The following AQP10 variants were observed in gnomAD, a reference collection of about 807,000 sequenced individuals.
AQP10 encodes aquaporin-10.
AQP10 carries 15 observed loss-of-function variants against 21.0 expected under a neutral mutation model. That is an observed-to-expected ratio of 0.71 (90% CI 0.48 to 1.10). AQP10 has a LOEUF of 1.10. Ranked by LOEUF, AQP10 falls within the 50% of genes least tolerant of loss-of-function variation. AQP10 has a pLI of 0.00. For synonymous variants in AQP10, 143 were observed against 155.7 expected, an observed-to-expected ratio of 0.92 and a Z score of 0.61; for missense variants, 268 against 379.5, an observed-to-expected ratio of 0.71 and a Z score of 2.44.
intron 1 of AQP10, 125 bp downstream of exon 1, chr1:154,321,385 T>C: frequency 3.2e-6 from 2 of 627,880 alleles, no homozygotes; most frequent in Non-Finnish European, 5.3e-6. Context: ...TTTTCGTTTT[T>C]ATCCTCTCGT....
At chr1:154,321,330 T>C (rs1411654813) in intron 1 of AQP10, 70 bp downstream of exon 1, 7 of 1,274,778 alleles carry the variant, frequency 5.5e-6, no homozygotes, top group African/African-American at 4.5e-5. Flanking sequence ...CTGTTGTCCT[T>C]ATCTCTTTCT....
In AQP10 at chr1:154,324,321, T is replaced by G; in HGVS notation, c.747T>G (p.Pro249=). The G allele has an allele frequency of 6.3e-7, 1 of 1,581,644 alleles. No individual in the cohort carries two copies. Among genetic ancestry groups the G allele is most frequent in the South Asian group, 1.2e-5 (1 of 86,430 alleles). The change falls in exon 6 of 6, where the codon CCT becomes CCG. Residue 249 remains proline (P), a synonymous_variant. Transcript: ENST00000324978. ...NGWWWVPVVA[P]LVGATVGTAT... ...GGTGGTGGGTGCCTGTGGTGGCCCC[T>G]CTGGTGGGGGCCACCGTTGGCACAG...
Position 154,324,566 on chromosome 1 carries a change from A to G in AQP10, c.*86A>G. ...CAACAGTCATTCTTCCTCTTTGTTA[A>G]TGTGCCAGAACCTGGGAGGCTTCTC... On this transcript the variant is annotated 3_prime_UTR_variant, in exon 6 of 6. Transcript: ENST00000324978. 7.2e-7 allele frequency: 1 copy of G among 1,395,310 alleles called. No individual in the cohort carries two copies. The highest frequency in any genetic ancestry group is 9.8e-7 in the Non-Finnish European group (1 of 1,018,396). The allele number at this position is 1,395,310 out of a possible 1,614,324, so 86.4% of individuals were successfully genotyped here.
At chr1:154,324,180 G>A (rs1685710388) in intron 5 of AQP10, 102 bp from the exon 6 acceptor site, 3 of 1,242,300 alleles carry the variant, frequency 2.4e-6, no homozygotes, top group Non-Finnish European at 2.2e-6. Flanking sequence ...TACCACCCTG[G>A]GAACAACTTT....
chr1:154,322,069 G>A lies in AQP10; in HGVS notation c.232+10G>A, dbSNP rs1558263725. 1.2e-6 allele frequency: 2 copies of A among 1,613,016 alleles called. No individual in the cohort carries two copies. The highest frequency in any genetic ancestry group is 1.3e-5 in the African/African-American group (1 of 75,042). Reference sequence around the variant, plus strand: ...GGTGGTAACGTCTCAGGTGAGGAGGGTGGGGTCTGGTCATCAGAGCACGTG... The same window carrying A: ...GGTGGTAACGTCTCAGGTGAGGAGGATGGGGTCTGGTCATCAGAGCACGTG... On this transcript the variant is annotated intron_variant, in intron 2 of 5. Transcript: ENST00000324978.
chr1:154,322,181 C>A lies in AQP10; in HGVS notation c.232+122C>A, dbSNP rs1685660298. The A allele has an allele frequency of 3.5e-6, 5 of 1,430,602 alleles. No individual in the cohort carries two copies. The Admixed American group carries it at 1.1e-4, about 32-fold the overall frequency. The allele number at this position is 1,430,602 out of a possible 1,614,324, so 88.6% of individuals were successfully genotyped here. A position where few individuals can be genotyped will look rare whatever the true frequency, so the allele number is the denominator to read the frequency against. On this transcript the variant is annotated intron_variant, in intron 2 of 5. Transcript: ENST00000324978. ...TGGACATTATCCCCTTGAACAGTGT[C>A]CCAGACTGAAATAAGCCTTTGGCCC... is the stretch of plus-strand genomic sequence containing the variant.
chr1:154,324,435 G>A lies in AQP10; in HGVS notation c.861G>A (p.Glu287=). The A allele has an allele frequency of 6.2e-7, 1 of 1,613,742 alleles. No individual in the cohort carries two copies. The highest frequency in any genetic ancestry group is 8.5e-7 in the Non-Finnish European group (1 of 1,179,986). ...TGTCTGCTCAACACAAAGCCTCAGA[G>A]TTGGAAACTCCTGCCTCAGCTCAGA... is the stretch of plus-strand genomic sequence containing the variant. The part of the protein sequence containing the change: ...DLVSAQHKAS[E]LETPASAQML... Residue 287 remains glutamate, a synonymous_variant, in exon 6 of 6, where the codon GAG becomes GAA. Coordinates refer to ENST00000324978, the MANE Select transcript of AQP10 (RefSeq NM_080429.3).
At position 154,323,727 on chromosome 1, in the gene AQP10, G is replaced by C; in HGVS notation, c.628G>C (p.Gly210Arg). The C allele has an allele frequency of 6.2e-7, 1 of 1,614,116 alleles. No individual in the cohort carries two copies. The highest frequency in any genetic ancestry group is 8.5e-7 in the Non-Finnish European group (1 of 1,180,026). The change falls in exon 5 of 6, where the codon GGG (glycine) becomes CGG (arginine). Residue 210 changes from glycine to arginine, a missense_variant. Physicochemically the swap from Gly to Arg is moderately radical, Grantham distance 125 (BLOSUM62 -2). Around this residue, in one of 3 missense-constraint regions of AQP10, gnomAD observed 229 missense variants for 295.1 expected, o/e 0.78. Transcript: ENST00000324978. The surrounding 1 kb of genome is among the most constrained non-coding windows in gnomAD (Gnocchi z 4.5). ...CGGGTTATCCATGGGTGCCAACTGC[G>C]GGATTCCACTCAACCCTGCCCGGGA... ...ALGLSMGANC[G>R]IPLNPARDLG...
Position 154,323,111 on chromosome 1 carries a change from T to C in AQP10, c.362T>C (p.Leu121Pro), listed in dbSNP as rs749670806. 1.2e-6 allele frequency: 2 copies of C among 1,614,190 alleles called. No individual in the cohort carries two copies. The highest frequency in any genetic ancestry group is 1.7e-6 in the Non-Finnish European group (2 of 1,180,030). The change falls in exon 3 of 6, where the codon CTC becomes CCC. Residue 121 changes from leucine (L) to proline (P), a missense_variant. Physicochemically the swap from Leu to Pro is moderately conservative, Grantham distance 98. Coordinates refer to ENST00000324978, the MANE Select transcript of AQP10 (RefSeq NM_080429.3). This position sits in a 1 kb window ranked among gnomAD's most constrained non-coding sequence, Gnocchi z 4.5. ...TGTGCTTCGGGAGCCACCTATGTTCTCTACCATGGTGACAGAGGGAACAGA... is the reference window on the plus strand; with the variant it reads ...TGTGCTTCGGGAGCCACCTATGTTCCCTACCATGGTGACAGAGGGAACAGA... ...AFCASGATYV[L>P]YHDALQNYTG...
chr1:154,324,120 C>T, intron 5 of AQP10, 162 bp from the exon 6 acceptor site: 1 of 1,128,666 alleles, frequency 8.9e-7, no homozygotes, highest in South Asian at 1.7e-5. Context: ...CTGGGGTTCC[C>T]TCTTCTAAAT....
chr1:154,323,188 G>A lies in AQP10; in HGVS notation c.371-53G>A. On this transcript the variant is annotated intron_variant, in intron 3 of 5. Coordinates refer to ENST00000324978, the MANE Select transcript of AQP10 (RefSeq NM_080429.3). This position sits in a 1 kb window ranked among gnomAD's most constrained non-coding sequence, Gnocchi z 4.5. ...GGGTGGGCAGGGGTGCCTCAGAATG[G>A]TTTTGGATGAATGAGCAAAGAGGGA... The A allele has an allele frequency of 5.6e-6, 9 of 1,613,924 alleles. No individual in the cohort carries two copies. The highest frequency in any genetic ancestry group is 1.6e-4 in the Middle Eastern group (1 of 6,062).
chr1:154,324,062 T>G (rs1308252537), intron 5 of AQP10: 6 of 1,324,772 alleles, frequency 4.5e-6, no homozygotes, highest in Non-Finnish European at 6.0e-6. Flanking sequence ...TCAGCAAAAT[T>G]AATATATTCA....
rs374795337 is a variant in AQP10, at chr1:154,323,041, G to C, written c.292G>C (p.Val98Leu). The change falls in exon 3 of 6, where the codon GTC becomes CTC. Residue 98 changes from valine to leucine, a missense_variant. Val to Leu is a conservative substitution (Grantham distance 32). Coordinates refer to ENST00000324978, the MANE Select transcript of AQP10 (RefSeq NM_080429.3). This position sits in a 1 kb window ranked among gnomAD's most constrained non-coding sequence, Gnocchi z 4.5. The stretch of plus-strand genomic sequence containing the variant: ...GTGCATCGTTGGACGCCTCCCCTGG[G>C]TCAAGCTCCCCATTTACATCTTGGT... Reference protein sequence around the residue: ...AMCIVGRLPWVKLPIYILVQL... With the variant: ...AMCIVGRLPWLKLPIYILVQL... 3.6e-5 allele frequency: 58 copies of C among 1,614,034 alleles called. No individual in the cohort carries two copies. Among genetic ancestry groups the C allele is most frequent in the South Asian group, 3.5e-4 (32 of 91,078 alleles).
Position 154,324,317 on chromosome 1 carries a change from C to A in AQP10, c.743C>A (p.Ala248Asp). Residue 248 changes from alanine (A) to aspartate (D), a missense_variant, in exon 6 of 6, where the codon GCC becomes GAC. This residue lies in a region of AQP10 where 229 missense variants were observed against 295.1 expected (regional missense o/e 0.78). Coordinates refer to ENST00000324978, the MANE Select transcript of AQP10 (RefSeq NM_080429.3). ...GNGWWWVPVVAPLVGATVGTA... is the reference protein window; with the variant it reads ...GNGWWWVPVVDPLVGATVGTA... ...GGCTGGTGGTGGGTGCCTGTGGTGG[C>A]CCCTCTGGTGGGGGCCACCGTTGGC... The A allele has an allele frequency of 6.4e-7, 1 of 1,572,876 alleles. No homozygotes were observed. Among genetic ancestry groups the A allele is most frequent in the South Asian group, 1.2e-5 (1 of 84,946 alleles).
intron 2 of AQP10, 133 bp from the exon 3 acceptor site, chr1:154,322,849 A>C: frequency 8.3e-7 from 1 of 1,202,172 alleles, no homozygotes; most frequent in Non-Finnish European, 1.2e-6. Flanking sequence ...TGGAGCCTCA[A>C]TTTCCTAAGC....
chr1:154,321,695 G>A (rs1685644434), intron 1 of AQP10, among the ~76,000 whole-genome samples: 1 of 152,118 alleles, frequency 6.6e-6, no homozygotes, highest in African/African-American at 2.4e-5. Flanking sequence ...CCCTGCCATG[G>A]GTTTGTACCC....
Position 154,322,423 on chromosome 1 carries a change from A to G in AQP10, c.232+364A>G, listed in dbSNP as rs149263448. Among the ~76,000 whole-genome samples, 9 of 150,946 alleles carry G rather than the reference A, an allele frequency of 6.0e-5. No homozygotes were observed. In the East Asian group the frequency reaches 1.8e-3, roughly 29 times the overall value. On this transcript the variant is annotated intron_variant, in intron 2 of 5. Coordinates refer to ENST00000324978, the MANE Select transcript of AQP10 (RefSeq NM_080429.3). The stretch of plus-strand genomic sequence containing the variant: ...GTGTGCTTGGGTGGAGCCTTGAGAC[A>G]TAGTGTGTTGCTGTGGAAAAAGCAG...
intron 1 of AQP10, among the ~76,000 whole-genome samples, chr1:154,321,604 T>C (rs1318066123): frequency 1.3e-5 from 2 of 152,230 alleles, no homozygotes; most frequent in Non-Finnish European, 2.9e-5. Context: ...AGAATAATTA[T>C]TTTTCACATA....
intron 2 of AQP10, 65 bp downstream of exon 2, chr1:154,322,124 G>A (rs1685659274): frequency 6.3e-7 from 1 of 1,595,964 alleles, no homozygotes; most frequent in Admixed American, 1.7e-5. Flanking sequence ...TCTGTCTGGT[G>A]ATGGTGGAAA....
Sources: allele counts gnomAD v4.1 joint callset (sites outside exome capture counted in the v4.1 genomes callset), GRCh38; gene constraint gnomAD v4.1.1; regional missense constraint gnomAD v4.1.1; non-coding constraint Gnocchi (gnomAD v3.1); transcripts MANE v1.5; gene names NCBI Gene and HGNC (gene_info 2026-07-23, HGNC 2026-07-21).